The following CBX6 variants were observed in gnomAD, a reference collection of about 807,000 sequenced individuals.
CBX6 encodes the protein chromobox 6.
In CBX6, 7 loss-of-function variants were observed where a neutral mutation model predicts 28.4. The ratio of observed to expected loss-of-function variants is 0.25; its 90% CI spans 0.14 to 0.46. CBX6 has a LOEUF of 0.46. CBX6 is among the 20% of genes least tolerant of loss of function. CBX6 has a pLI of 0.99. For synonymous variants in CBX6, 297 were observed against 273.4 expected (o/e 1.09, Z -0.85); for missense variants, 512 against 606.1 (o/e 0.84, Z 1.63).
intron 4 of CBX6, among the ~76,000 whole-genome samples, chr22:38,867,699 G>A (rs1326693057): frequency 2.0e-5 from 3 of 152,236 alleles, no homozygotes; most frequent in African/African-American, 7.2e-5. Context: ...AAGTCCTGCT[G>A]AGCCACCATG....
chr22:38,868,097 C>G (rs928295773), intron 4 of CBX6, among the ~76,000 whole-genome samples: 2 of 152,226 alleles, frequency 1.3e-5, no homozygotes, highest in Non-Finnish European at 2.9e-5. Context: ...TCAAGAGACC[C>G]CAGGTTCCGG....
Position 38,866,797 on chromosome 22 carries a change from C to G in CBX6, c.651G>C (p.Glu217Asp). Residue 217 changes from glutamate (E) to aspartate (D), a missense_variant, in exon 5 of 5, where the codon GAG becomes GAC. By Grantham distance (45) the Glu-to-Asp change is conservative. Transcript: ENST00000407418. This position sits in a 1 kb window ranked among gnomAD's most constrained non-coding sequence, Gnocchi z 7.5. ...GGCGGATCTGTGTACGCAGGACGCTCTCGCTGAACTTCTTGCTCTTGCCTA... is the reference window on the plus strand; with the variant it reads ...GGCGGATCTGTGTACGCAGGACGCTGTCGCTGAACTTCTTGCTCTTGCCTA... ...RVIGKSKKFS[E>D]SVLRTQIRHM... 6.2e-7 allele frequency: 1 copy of G among 1,612,662 alleles called. No individual in the cohort carries two copies. Among genetic ancestry groups the G allele is most frequent in the Non-Finnish European group, 8.5e-7 (1 of 1,179,448 alleles).
Position 38,862,541 on chromosome 22 carries a change from AAAAAGAAAG to A in CBX6, c.*3659_*3667del, listed in dbSNP as rs2093159784. The A allele has an allele frequency of 6.9e-6, 1 of 145,400 alleles. No individual in the cohort carries two copies. The highest frequency in any genetic ancestry group is 2.1e-4 in the East Asian group (1 of 4,712). 9.0% of individuals were successfully genotyped at this position (145,400 alleles called of 1,614,324 possible). ...TGCAAAAAAAAAAAAAAAAAAAAAA[AAAAAGAAAG>A]AAAGAAAAAAGAAAAACAAAAGAAA... On this transcript the variant is annotated 3_prime_UTR_variant, in exon 5 of 5. Transcript: ENST00000407418.
rs981567900 is a variant in CBX6, at chr22:38,871,002, G to A, written c.246+478C>T. ...AAGTTGGATCCCCAAGAAAGGAGGG[G>A]AGCCATGAAGAACAAATCCTGAAAG... On this transcript the variant is annotated intron_variant, in intron 4 of 4. Transcript: ENST00000407418. This position sits in a 1 kb window ranked among gnomAD's most constrained non-coding sequence, Gnocchi z 5.6. 4 of 160,476 alleles carry A rather than the reference G, an allele frequency of 2.5e-5. No homozygotes were observed. Among genetic ancestry groups the A allele is most frequent in the African/African-American group, 7.2e-5 (3 of 41,638 alleles). 9.9% of individuals were successfully genotyped at this position (160,476 alleles called of 1,614,324 possible).
rs1189708173 is a variant in CBX6 at position 38,864,657 on chromosome 22, C to T, written c.*1552G>A. 8 of 152,354 alleles carry T rather than the reference C, an allele frequency of 5.3e-5. No homozygotes were observed. The highest frequency in any genetic ancestry group is 1.5e-5 in the Non-Finnish European group (1 of 68,070). The allele number at this position is 152,354 out of a possible 1,614,324, so 9.4% of individuals were successfully genotyped here. On this transcript the variant is annotated 3_prime_UTR_variant, in exon 5 of 5. Transcript: ENST00000407418. ...GGAGATTGGGAAGGAAGGCAGCCTC[C>T]CATTCTTAGGACCAAAGGCGCTAGG...
Position 38,871,591 on chromosome 22 carries a change from G to A in CBX6, c.180-45C>T, listed in dbSNP as rs746879261. 1.9e-6 allele frequency: 3 copies of A among 1,612,188 alleles called. No homozygotes were observed. Among genetic ancestry groups the A allele is most frequent in the Non-Finnish European group, 8.5e-7 (1 of 1,178,668 alleles). On this transcript the variant is annotated intron_variant, in intron 3 of 4. Transcript: ENST00000407418. This position sits in a 1 kb window ranked among gnomAD's most constrained non-coding sequence, Gnocchi z 5.6. ...GAGGTTAAAAAGAGCCCCTTCCCGGGCCCCACTCCGCGCTGCCCTCCCCGG... is the reference window on the plus strand; with the variant it reads ...GAGGTTAAAAAGAGCCCCTTCCCGGACCCCACTCCGCGCTGCCCTCCCCGG...
chr22:38,869,005 C>T (rs1336116218), intron 4 of CBX6, among the ~76,000 whole-genome samples: 1 of 152,186 alleles, frequency 6.6e-6, no homozygotes, highest in Non-Finnish European at 1.5e-5. Context: ...CCTCCTGGGG[C>T]TGCTTGGTTA....
Position 38,864,414 on chromosome 22 carries a change from G to C in CBX6, c.*1795C>G, listed in dbSNP as rs573627239. On this transcript the variant is annotated 3_prime_UTR_variant, in exon 5 of 5. Transcript: ENST00000407418. ...GGCACCCAGGTGGTCACTCACCTGG[G>C]GGAGGGGGTCAGGGGGAAATCACCT... 3 of 151,332 alleles carry C rather than the reference G, an allele frequency of 2.0e-5. No homozygotes were observed. In the East Asian group the frequency reaches 5.8e-4, roughly 29 times the overall value. 9.4% of individuals were successfully genotyped at this position (151,332 alleles called of 1,614,324 possible).
Position 38,862,661 on chromosome 22 carries a change from C to A in CBX6, c.*3548G>T, listed in dbSNP as rs2093160328. The A allele has an allele frequency of 6.6e-6, 1 of 152,216 alleles. No homozygotes were observed. The highest frequency in any genetic ancestry group is 6.5e-5 in the Admixed American group (1 of 15,278). The allele number at this position is 152,216 out of a possible 1,614,324, so 9.4% of individuals were successfully genotyped here. A position where few individuals can be genotyped will look rare whatever the true frequency, so the allele number is the denominator to read the frequency against. On this transcript the variant is annotated 3_prime_UTR_variant, in exon 5 of 5. Coordinates refer to ENST00000407418, the MANE Select transcript of CBX6 (RefSeq NM_014292.5). ...ATGTGTCCTCTTGGGTCCCCATAGGCCAGAGAGGCTGGTAGCAGTCCAGCC... is the reference window on the plus strand; with the variant it reads ...ATGTGTCCTCTTGGGTCCCCATAGGACAGAGAGGCTGGTAGCAGTCCAGCC...
chr22:38,863,338 T>C lies in CBX6; in HGVS notation c.*2871A>G, dbSNP rs1184210405. ...GAGATGACGGATGCCCCAACCAATATTGAACGTAGGAGGAGATTGGGCTTT... is the reference window on the plus strand; with the variant it reads ...GAGATGACGGATGCCCCAACCAATACTGAACGTAGGAGGAGATTGGGCTTT... On this transcript the variant is annotated 3_prime_UTR_variant, in exon 5 of 5. Transcript: ENST00000407418. The C allele has an allele frequency of 2.6e-5, 4 of 152,012 alleles. No individual in the cohort carries two copies. The highest frequency in any genetic ancestry group is 9.7e-5 in the African/African-American group (4 of 41,382). The allele number at this position is 152,012 out of a possible 1,614,324, so 9.4% of individuals were successfully genotyped here. A position where few individuals can be genotyped will look rare whatever the true frequency, so the allele number is the denominator to read the frequency against.
Position 38,866,438 on chromosome 22 carries a change from C to T in CBX6, c.1010G>A (p.Gly337Asp), listed in dbSNP as rs771931405. Residue 337 changes from glycine to aspartate, a missense_variant, in exon 5 of 5, where the codon GGC (glycine) becomes GAC (aspartate). By Grantham distance (94) the Gly-to-Asp change is moderately conservative. Coordinates refer to ENST00000407418, the MANE Select transcript of CBX6 (RefSeq NM_014292.5). The surrounding 1 kb of genome is among the most constrained non-coding windows in gnomAD (Gnocchi z 7.5). ...RAPPEVTAAA[G>D]PAPPTAPEPA... ...CTCAGGGGCCGTGGGAGGTGCCGGG[C>T]CGGCAGCAGCTGTGACCTCAGGCGG... The T allele has an allele frequency of 6.2e-7, 1 of 1,608,922 alleles. No individual in the cohort carries two copies. The highest frequency in any genetic ancestry group is 1.1e-5 in the South Asian group (1 of 90,916).
rs1459812874 is a variant in CBX6 at position 38,871,359 on chromosome 22, G to A, written c.246+121C>T. 3 of 958,072 alleles carry A rather than the reference G, an allele frequency of 3.1e-6. No individual in the cohort carries two copies. The highest frequency in any genetic ancestry group is 4.7e-6 in the Non-Finnish European group (3 of 634,222). 59.3% of individuals were successfully genotyped at this position (958,072 alleles called of 1,614,324 possible). A position where few individuals can be genotyped will look rare whatever the true frequency, so the allele number is the denominator to read the frequency against. On this transcript the variant is annotated intron_variant, in intron 4 of 4. Coordinates refer to ENST00000407418, the MANE Select transcript of CBX6 (RefSeq NM_014292.5). The surrounding 1 kb of genome is among the most constrained non-coding windows in gnomAD (Gnocchi z 5.6). Reference sequence around the variant, plus strand: ...CACAACCACCCCCTGCCCAGCTGGGGCCCCTCTGAAAAGGCCGGCCCGCTT... The same window carrying A: ...CACAACCACCCCCTGCCCAGCTGGGACCCCTCTGAAAAGGCCGGCCCGCTT...
At position 38,864,789 on chromosome 22, in the gene CBX6, G is replaced by A. The variant is rs41280841; in HGVS notation, c.*1420C>T. 4,682 of 152,552 alleles carry A rather than the reference G, an allele frequency of 0.031. 113 individuals are homozygous for A. Among genetic ancestry groups the A allele is most frequent in the Non-Finnish European group, 0.042 (2,847 of 68,186 alleles). 9.4% of individuals were successfully genotyped at this position (152,552 alleles called of 1,614,324 possible). ...TGGAACACGCCACCCACGCACAATG[G>A]AGACCCGGGAAGTGGCCCAGGGCTG... On this transcript the variant is annotated 3_prime_UTR_variant, in exon 5 of 5. Coordinates refer to ENST00000407418, the MANE Select transcript of CBX6 (RefSeq NM_014292.5).
chr22:38,863,041 G>T lies in CBX6; in HGVS notation c.*3168C>A, dbSNP rs572256016. The T allele has an allele frequency of 6.6e-6, 1 of 152,386 alleles. No individual in the cohort carries two copies. The highest frequency in any genetic ancestry group is 2.1e-4 in the South Asian group (1 of 4,828). The allele number at this position is 152,386 out of a possible 1,614,324, so 9.4% of individuals were successfully genotyped here. ...GGCTCATTTTGACCTTGACCCCTTT[G>T]CAGGGTGAGAACAAAGAGGGGTTGT... On this transcript the variant is annotated 3_prime_UTR_variant, in exon 5 of 5. Transcript: ENST00000407418.
chr22:38,871,763 G>A lies in CBX6; in HGVS notation c.114-6C>T, dbSNP rs778112526. On this transcript the variant is annotated splice_region_variant and splice_polypyrimidine_tract_variant and intron_variant, in intron 2 of 4. Transcript: ENST00000407418. The surrounding 1 kb of genome is among the most constrained non-coding windows in gnomAD (Gnocchi z 5.6). ...CGGGCTCCCAAGTGCTGTACCTGCC[G>A]AGTCACAAACGCACAAAATCAGGAT... is the stretch of plus-strand genomic sequence containing the variant. The A allele has an allele frequency of 6.8e-6, 11 of 1,608,156 alleles. No individual in the cohort carries two copies. The highest frequency in any genetic ancestry group is 7.7e-6 in the Non-Finnish European group (9 of 1,176,346).
At position 38,863,784 on chromosome 22, in the gene CBX6, T is replaced by C. The variant is rs1248055663; in HGVS notation, c.*2425A>G. Reference sequence around the variant, plus strand: ...TCAGGCCAGGGAGGCTCAGAGAGGTTGTGGGCTTTAGGGTGACCCGTGGGG... The same window carrying C: ...TCAGGCCAGGGAGGCTCAGAGAGGTCGTGGGCTTTAGGGTGACCCGTGGGG... On this transcript the variant is annotated 3_prime_UTR_variant, in exon 5 of 5. Transcript: ENST00000407418. The C allele has an allele frequency of 2.6e-5, 4 of 152,158 alleles. No homozygotes were observed. The highest frequency in any genetic ancestry group is 9.7e-5 in the African/African-American group (4 of 41,404). 9.4% of individuals were successfully genotyped at this position (152,158 alleles called of 1,614,324 possible).
In CBX6 at chr22:38,871,887, C is replaced by A; in HGVS notation, c.113+15G>T. 1 of 1,539,440 alleles carries A rather than the reference C, an allele frequency of 6.5e-7. No homozygotes were observed. The highest frequency in any genetic ancestry group is 8.8e-7 in the Non-Finnish European group (1 of 1,140,652). ...CCTCCCCTCCCGCGACGCCCCCGGA[C>A]CCCGCGACACTCACTTGATCGCCCA... On this transcript the variant is annotated intron_variant, in intron 2 of 4. Transcript: ENST00000407418. This position sits in a 1 kb window ranked among gnomAD's most constrained non-coding sequence, Gnocchi z 5.6.
chr22:38,866,945 T>C lies in CBX6; in HGVS notation c.503A>G (p.Glu168Gly). 6 of 1,608,854 alleles carry C rather than the reference T, an allele frequency of 3.7e-6. No individual in the cohort carries two copies. Among genetic ancestry groups the C allele is most frequent in the Non-Finnish European group, 5.1e-6 (6 of 1,178,046 alleles). Residue 168 changes from glutamate to glycine, a missense_variant, in exon 5 of 5, where the codon GAG becomes GGG. Glu to Gly is a moderately conservative substitution (Grantham distance 98, BLOSUM62 -2). This residue lies in a region of CBX6 where 9 missense variants were observed against 26.6 expected (regional missense o/e 0.34). Coordinates refer to ENST00000407418, the MANE Select transcript of CBX6 (RefSeq NM_014292.5). The surrounding 1 kb of genome is among the most constrained non-coding windows in gnomAD (Gnocchi z 7.5). Reference sequence around the variant, plus strand: ...CAGGATGATGCGGTTCCGCTTGGGCTCCCGCGGCTTCACCTTGCGGTTGAT... The same window carrying C: ...CAGGATGATGCGGTTCCGCTTGGGCCCCCGCGGCTTCACCTTGCGGTTGAT... The part of the protein sequence containing the change: ...RIINRKVKPR[E>G]PKRNRIILNL...
In CBX6 at chr22:38,864,410, C is replaced by G. The variant is rs12166725; in HGVS notation, c.*1799G>C. On this transcript the variant is annotated 3_prime_UTR_variant, in exon 5 of 5. Transcript: ENST00000407418. ...AACTGGCACCCAGGTGGTCACTCACCTGGGGGAGGGGGTCAGGGGGAAATC... is the reference window on the plus strand; with the variant it reads ...AACTGGCACCCAGGTGGTCACTCACGTGGGGGAGGGGGTCAGGGGGAAATC... The G allele has an allele frequency of 6.6e-6, 1 of 151,366 alleles. No homozygotes were observed. Among genetic ancestry groups the G allele is most frequent in the African/African-American group, 2.5e-5 (1 of 40,272 alleles). The allele number at this position is 151,366 out of a possible 1,614,324, so 9.4% of individuals were successfully genotyped here.
Sources: gnomAD v4.1 joint callset for allele counts (sites outside exome capture counted in the v4.1 genomes callset) on GRCh38, gnomAD v4.1.1 for gene constraint, gnomAD v4.1.1 regional missense constraint, Gnocchi (gnomAD v3.1) non-coding constraint, MANE v1.5 for transcripts, NCBI Gene and HGNC (gene_info 2026-07-23, HGNC 2026-07-21) for gene names.